Variants in ICE2 observed in about 807,000 individuals in gnomAD.
ICE2 encodes the protein little elongation complex subunit 2.
ICE2 carries 87 observed loss-of-function variants against 105.4 expected under a neutral mutation model. The ratio of observed to expected loss-of-function variants is 0.83; its 90% CI spans 0.69 to 0.99. The LOEUF is 0.99. Among genes scored for constraint, ICE2 ranks in the 50% least tolerant of loss-of-function variants. ICE2 has a pLI of 0.00. For synonymous variants in ICE2, 399 were observed against 392.0 expected (o/e 1.02, Z -0.21); for missense variants, 1,323 against 1,146.7 (o/e 1.15, Z -2.22).
Position 60,422,134 on chromosome 15 carries a change from CTGTT to C in ICE2, c.*1496_*1499del, listed in dbSNP as rs568000047. 2.6e-5 allele frequency: 4 copies of C among 151,244 alleles called. No homozygotes were observed. Among genetic ancestry groups the C allele is most frequent in the Non-Finnish European group, 4.4e-5 (3 of 67,888 alleles). 9.4% of individuals were successfully genotyped at this position (151,244 alleles called of 1,614,324 possible). On this transcript the variant is annotated 3_prime_UTR_variant, in exon 16 of 16. Coordinates refer to ENST00000261520, the MANE Select transcript of ICE2 (RefSeq NM_024611.6). The stretch of plus-strand genomic sequence containing the variant: ...GTTCTAAAGATTAAACAAGCCTGTC[CTGTT>C]TTTTTTTTTCTTTGAGACAGGGTCA...
At chr15:60,453,272 C>G (rs2064008910) in intron 9 of ICE2, 5 of 1,042,512 alleles carry the variant, frequency 4.8e-6, no homozygotes, top group Non-Finnish European at 5.8e-6. Context: ...ACCAATTAAA[C>G]AAAACCTCAT....
chr15:60,456,858 T>C (rs2064141062), intron 5 of ICE2, 64 bp from the exon 6 acceptor site: 3 of 1,012,120 alleles, frequency 3.0e-6, no homozygotes, highest in South Asian at 4.0e-5. Flanking sequence ...AGAAAATTTT[T>C]AGTTACATGT....
intron 3 of ICE2, among the ~76,000 whole-genome samples, chr15:60,474,817 C>T (rs2064710963): frequency 2.6e-5 from 4 of 152,060 alleles, no homozygotes; most frequent in African/African-American, 9.7e-5. Context: ...AAAACTTGAG[C>T]ATGTTCAAAT....
At position 60,432,044 on chromosome 15, in the gene ICE2, A is replaced by G; in HGVS notation, c.2511-60T>C. 3 of 874,074 alleles carry G rather than the reference A, an allele frequency of 3.4e-6. No homozygotes were observed. The Admixed American group carries it at 6.1e-5, about 18-fold the overall frequency. The allele number at this position is 874,074 out of a possible 1,614,324, so 54.1% of individuals were successfully genotyped here. On this transcript the variant is annotated intron_variant, in intron 13 of 15. Transcript: ENST00000261520. ...TGCAAAAAACTTACTTTTAGCAATT[A>G]TAGCTCCTCAGGCAGAGAAATGCCC... is the stretch of plus-strand genomic sequence containing the variant.
At chr15:60,451,143 T>C in intron 9 of ICE2, 1 of 790,458 alleles carries the variant, frequency 1.3e-6, no homozygotes, top group Non-Finnish European at 1.5e-6. Context: ...AAAGAAAAAT[T>C]TGACAGAGAC....
intron 2 of ICE2, among the ~76,000 whole-genome samples, chr15:60,477,215 C>G (rs1045854123): frequency 2.6e-5 from 4 of 152,184 alleles, no homozygotes; most frequent in Admixed American, 2.6e-4. Flanking sequence ...TGTGACATCT[C>G]AATAAATTCT....
At position 60,428,646 on chromosome 15, in the gene ICE2, T is replaced by C; in HGVS notation, c.2603A>G (p.Asp868Gly). 3 of 1,614,090 alleles carry C rather than the reference T, an allele frequency of 1.9e-6. No individual in the cohort carries two copies. The highest frequency in any genetic ancestry group is 2.5e-6 in the Non-Finnish European group (3 of 1,179,988). ...GGCCTTATAAATCAGGAGTGAAGAA[T>C]CTTCTGCTGCATGAGATAACAAGTA... Reference protein sequence around the residue: ...GSYLLSHAAEDSSLLIYKASD... With the variant: ...GSYLLSHAAEGSSLLIYKASD... The change falls in exon 15 of 16, where the codon GAT (aspartate) becomes GGT (glycine). Residue 868 changes from aspartate (D) to glycine (G), a missense_variant. Physicochemically the swap from Asp to Gly is moderately conservative, Grantham distance 94 (BLOSUM62 -1). Transcript: ENST00000261520.
chr15:60,452,718 TA>T, intron 9 of ICE2: 1 of 249,612 alleles, frequency 4.0e-6, no homozygotes, highest in Non-Finnish European at 6.4e-6. Flanking sequence ...AGTGTTACTC[TA>T]AATGCTTTAT....
chr15:60,456,870 A>G (rs560754177), intron 5 of ICE2, 76 bp from the exon 6 acceptor site: 16 of 831,968 alleles, frequency 1.9e-5, no homozygotes, highest in African/African-American at 5.3e-5. Context: ...GTTACATGTG[A>G]CTATGTAATT....
intron 2 of ICE2, among the ~76,000 whole-genome samples, chr15:60,477,331 C>T (rs901137074): frequency 8.5e-5 from 13 of 152,212 alleles, no homozygotes; most frequent in Non-Finnish European, 1.8e-4. Flanking sequence ...AATGAACATA[C>T]TGACTTAATA....
At chr15:60,468,368 G>A (rs754247798) in intron 3 of ICE2, 46 bp from the exon 4 acceptor site, 6 of 1,431,568 alleles carry the variant, frequency 4.2e-6, no homozygotes, top group Non-Finnish European at 5.8e-6. Context: ...TTCACATGAA[G>A]ATTACTATCA....
intron 11 of ICE2, among the ~76,000 whole-genome samples, chr15:60,443,551 A>C (rs1284444450): frequency 6.6e-6 from 1 of 152,206 alleles, no homozygotes; most frequent in Non-Finnish European, 1.5e-5. Flanking sequence ...TGCATGTGAG[A>C]AATCTGGTGA....
intron 13 of ICE2, among the ~76,000 whole-genome samples, chr15:60,435,903 G>A (rs1340812311): frequency 6.6e-6 from 1 of 151,674 alleles, no homozygotes; most frequent in Non-Finnish European, 1.5e-5. Context: ...AACCGGGGAG[G>A]CAGAGGTTGC....
At chr15:60,468,979 A>G (rs2064506681) in intron 3 of ICE2, among the ~76,000 whole-genome samples, 1 of 152,240 alleles carries the variant, frequency 6.6e-6, no homozygotes, top group Non-Finnish European at 1.5e-5. Flanking sequence ...CGTTAATGAA[A>G]TGTACCAGAA....
chr15:60,467,931 T>C, intron 4 of ICE2, 130 bp downstream of exon 4: 1 of 779,184 alleles, frequency 1.3e-6, no homozygotes, highest in Non-Finnish European at 1.9e-6. Context: ...GCACCATTGC[T>C]CTCTCAATCT....
rs984413499 is a variant in ICE2, at chr15:60,419,644, C to T, written c.*3990G>A. 4 of 152,148 alleles carry T rather than the reference C, an allele frequency of 2.6e-5. No homozygotes were observed. The highest frequency in any genetic ancestry group is 4.8e-5 in the African/African-American group (2 of 41,422). 9.4% of individuals were successfully genotyped at this position (152,148 alleles called of 1,614,324 possible). On this transcript the variant is annotated 3_prime_UTR_variant, in exon 16 of 16. Coordinates refer to ENST00000261520, the MANE Select transcript of ICE2 (RefSeq NM_024611.6). ...AAATGGATCCCCTTTATTTCTACAT[C>T]TCAACAAGAAACTCAATAAATCTTA...
chr15:60,473,266 G>A (rs1315238474), intron 3 of ICE2, among the ~76,000 whole-genome samples: 1 of 151,546 alleles, frequency 6.6e-6, no homozygotes, highest in Non-Finnish European at 1.5e-5. Context: ...GTGTGTGTGT[G>A]AGTGAGTGAG....
intron 2 of ICE2, among the ~76,000 whole-genome samples, chr15:60,477,362 T>G (rs1240985101): frequency 6.6e-6 from 1 of 152,242 alleles, no homozygotes; most frequent in Non-Finnish European, 1.5e-5. Context: ...GGTACTATTT[T>G]AATACTCTTT....
chr15:60,476,131 G>A lies in ICE2; in HGVS notation c.78C>T (p.Phe26=). Residue 26 remains phenylalanine (F), a synonymous_variant, in exon 3 of 16, where the codon TTC becomes TTT. Transcript: ENST00000261520. ...ISPKNGLKTF[F]SRENYKDHSM... ...AATGATCTTTATAATTTTCTCGAGA[G>A]AAAAATGTCTTAAGGCCATTTTTGG... The A allele has an allele frequency of 6.2e-7, 1 of 1,606,148 alleles. No individual in the cohort carries two copies.
Sources: gnomAD v4.1 joint callset for allele counts (sites outside exome capture counted in the v4.1 genomes callset) on GRCh38, gnomAD v4.1.1 for gene constraint, MANE v1.5 for transcripts, NCBI Gene and HGNC (gene_info 2026-07-23, HGNC 2026-07-21) for gene names.